Variants in ELAVL2 observed in about 807,000 individuals in gnomAD.
ELAVL2 encodes the protein ELAV like RNA binding protein 2.
In ELAVL2, 4 loss-of-function variants were observed where a neutral mutation model predicts 34.6. That is an observed-to-expected ratio of 0.12 (90% CI 0.06 to 0.26). The LOEUF (loss-of-function observed/expected upper bound fraction) is 0.26, where lower values mean the gene tolerates loss of function less well. Ranked by LOEUF, ELAVL2 falls within the 10% of genes least tolerant of loss-of-function variation. The probability of loss-of-function intolerance (pLI) is 1.00; values close to 1 mark genes in which losing one functional copy is unlikely to be tolerated. For synonymous variants in ELAVL2, 193 were observed against 154.8 expected, an observed-to-expected ratio of 1.25 and a Z score of -1.83; for missense variants, 432 against 442.8, an observed-to-expected ratio of 0.98 and a Z score of 0.22.
intron 1 of ELAVL2, among the ~76,000 whole-genome samples, chr9:23,811,607 T>C (rs891282216): frequency 3.3e-5 from 5 of 152,242 alleles, no homozygotes; most frequent in Non-Finnish European, 4.4e-5. Flanking sequence ...GTTGTAATTA[T>C]TTTGACTTTT....
At chr9:23,834,119 T>C in the ELAVL2 span, among the ~76,000 whole-genome samples, 1 of 152,008 alleles carries the variant, frequency 6.6e-6, no homozygotes, top group Non-Finnish European at 1.5e-5. Context: ...AATCAGATTA[T>C]ATTTTACGAA....
intron 1 of ELAVL2, among the ~76,000 whole-genome samples, chr9:23,766,998 T>C (rs2056410504): frequency 6.6e-6 from 1 of 152,236 alleles, no homozygotes; most frequent in African/African-American, 2.4e-5. Context: ...AGACATCACT[T>C]GTGCCAATTC....
chr9:23,797,987 A>G (rs2137511118), intron 1 of ELAVL2, among the ~76,000 whole-genome samples: 1 of 152,326 alleles, frequency 6.6e-6, no homozygotes, highest in South Asian at 2.1e-4. Flanking sequence ...TTCATGGGTC[A>G]TGATCAAGAG....
At chr9:23,701,322 A>T in intron 5 of ELAVL2, 57 bp downstream of exon 5, 1 of 1,578,856 alleles carries the variant, frequency 6.3e-7, no homozygotes, top group East Asian at 2.2e-5. Flanking sequence ...CTGGACAGTA[A>T]ACCTGAGTAT....
At chr9:23,733,776 A>C (rs1367445722) in intron 2 of ELAVL2, among the ~76,000 whole-genome samples, 2 of 152,156 alleles carry the variant, frequency 1.3e-5, no homozygotes, top group Non-Finnish European at 2.9e-5. Context: ...CATTTGCTAA[A>C]TGAAAGAATG....
chr9:23,801,224 C>T (rs2061527622), intron 1 of ELAVL2, among the ~76,000 whole-genome samples: 1 of 152,098 alleles, frequency 6.6e-6, no homozygotes, highest in African/African-American at 2.4e-5. Flanking sequence ...AATACAAAAA[C>T]ATTACTGGAA....
chr9:23,783,362 G>C (rs2059309772), intron 1 of ELAVL2: 4 of 757,478 alleles, frequency 5.3e-6, no homozygotes, highest in Non-Finnish European at 6.4e-6. Context: ...CACTTAAATG[G>C]AGTAACTCCA....
In ELAVL2 at chr9:23,783,284, C is replaced by CA. The variant is rs201591161; in HGVS notation, c.-15-21036dup. Among the ~76,000 whole-genome samples the CA allele has an allele frequency of 8.3e-3, 1,271 of 152,248 alleles. 18 individuals are homozygous for CA. The highest frequency in any genetic ancestry group is 0.029 in the African/African-American group (1,214 of 41,540). On this transcript the variant is annotated intron_variant, in intron 1 of 6. Transcript: ENST00000397312. ...AGCCAAAGAGAAACTAGCTTGTAAA[C>CA]AAAAGTAAATATTCAAGGTGCCAAG...
At chr9:23,708,085 G>T (rs1678132611) in intron 3 of ELAVL2, among the ~76,000 whole-genome samples, 1 of 151,458 alleles carries the variant, frequency 6.6e-6, no homozygotes, top group Non-Finnish European at 1.5e-5. Context: ...AGTTTATATT[G>T]TATCTTTAGT....
upstream of ELAVL2, chr9:23,830,090 A>G (rs1407952379): frequency 6.6e-6 from 1 of 152,180 alleles, no homozygotes; most frequent in Non-Finnish European, 1.5e-5. Context: ...GTGTTCATGA[A>G]AAATAAATGC....
At chr9:23,810,632 A>G (rs2062850317) in intron 1 of ELAVL2, among the ~76,000 whole-genome samples, 1 of 152,138 alleles carries the variant, frequency 6.6e-6, no homozygotes, top group Non-Finnish European at 1.5e-5. Context: ...AGAACTACCA[A>G]AAGTAGAAAG....
intron 5 of ELAVL2, among the ~76,000 whole-genome samples, chr9:23,696,022 T>C (rs949469192): frequency 1.3e-5 from 2 of 152,224 alleles, no homozygotes. Context: ...TTTTTTACCC[T>C]ATCTGTGAAG....
chr9:23,736,335 A>G (rs2047883181), intron 2 of ELAVL2, among the ~76,000 whole-genome samples: 1 of 152,202 alleles, frequency 6.6e-6, no homozygotes, highest in Non-Finnish European at 1.5e-5. Flanking sequence ...TTCAATAACT[A>G]TGGGAACCAT....
intron 1 of ELAVL2, among the ~76,000 whole-genome samples, chr9:23,767,055 G>T (rs1463043585): frequency 6.6e-6 from 1 of 152,162 alleles, no homozygotes; most frequent in Non-Finnish European, 1.5e-5. Flanking sequence ...TTTACGAAAA[G>T]GCACTTTAGC....
chr9:23,786,452 T>A (rs530982689), intron 1 of ELAVL2, among the ~76,000 whole-genome samples: 2 of 152,180 alleles, frequency 1.3e-5, no homozygotes, highest in African/African-American at 4.8e-5. Context: ...CAAAGGTGAT[T>A]ACTGACATAT....
At chr9:23,693,031 C>T in intron 6 of ELAVL2, 147 bp from the exon 7 acceptor site, 2 of 766,876 alleles carry the variant, frequency 2.6e-6, no homozygotes, top group Non-Finnish European at 4.1e-6. Flanking sequence ...CATGTTTTGA[C>T]CAAGGTCTGT....
At chr9:23,693,622 T>C in intron 5 of ELAVL2, 136 bp from the exon 6 acceptor site, 1 of 1,044,556 alleles carries the variant, frequency 9.6e-7, no homozygotes, top group African/African-American at 1.6e-5. Context: ...ATGCTGGGTC[T>C]TTTTACGTTT....
intron 1 of ELAVL2, among the ~76,000 whole-genome samples, chr9:23,815,659 A>C (rs2063605127): frequency 6.6e-6 from 1 of 152,178 alleles, no homozygotes; most frequent in Non-Finnish European, 1.5e-5. Flanking sequence ...TTTTATACAC[A>C]ATCAAAGGTT....
chr9:23,695,452 G>A (rs903942720), intron 5 of ELAVL2, among the ~76,000 whole-genome samples: 2 of 152,116 alleles, frequency 1.3e-5, no homozygotes, highest in Admixed American at 6.5e-5. Context: ...TGAGTTTTCA[G>A]AATTTTCAAA....
Sources: allele counts gnomAD v4.1 joint callset (sites outside exome capture counted in the v4.1 genomes callset), GRCh38; gene constraint gnomAD v4.1.1; transcripts MANE v1.5; gene names NCBI Gene and HGNC (gene_info 2026-07-23, HGNC 2026-07-21).